The following HEATR4 variants were observed in gnomAD, a reference collection of about 807,000 sequenced individuals.
HEATR4 encodes HEAT repeat containing 4.
A neutral mutation model predicts 108.8 loss-of-function variants in HEATR4; 95 were observed. The ratio of observed to expected loss-of-function variants is 0.87; its 90% CI spans 0.74 to 1.04. HEATR4 has a LOEUF of 1.04. Ranked by LOEUF, HEATR4 falls within the 50% of genes least tolerant of loss-of-function variation. The pLI, the probability that HEATR4 is intolerant of heterozygous loss-of-function variation, is 0.00. For missense variants in HEATR4, 1,152 were observed against 1,253.8 expected (o/e 0.92, Z 1.23); for synonymous variants, 443 against 459.4 (o/e 0.96, Z 0.46).
intron 8 of HEATR4, among the ~76,000 whole-genome samples, chr14:73,508,751 C>CAAAAAAAA (rs770608293): frequency 1.7e-5 from 1 of 57,880 alleles, no homozygotes. Flanking sequence ...AACTCTGTCT[C>CAAAAAAAA]AAAAAAAAAA....
At chr14:73,592,868 A>G in the HEATR4 span, among the ~76,000 whole-genome samples, 1 of 152,110 alleles carries the variant, frequency 6.6e-6, no homozygotes, top group East Asian at 1.9e-4. Context: ...AAGAAAAAAG[A>G]AAAAAAAGGA....
chr14:73,624,599 G>C, the HEATR4 span, among the ~76,000 whole-genome samples: 1 of 152,006 alleles, frequency 6.6e-6, no homozygotes, highest in African/African-American at 2.4e-5. Context: ...GAGAAAGACT[G>C]CTCCCCTCTA....
At chr14:73,483,364 T>C (rs1248597377) in intron 17 of HEATR4, among the ~76,000 whole-genome samples, 4 of 152,170 alleles carry the variant, frequency 2.6e-5, no homozygotes, top group Non-Finnish European at 5.9e-5. Context: ...AGAGACCTGG[T>C]CTTACTATGT....
At chr14:73,583,566 C>G in the HEATR4 span, among the ~76,000 whole-genome samples, 12 of 152,076 alleles carry the variant, frequency 7.9e-5, no homozygotes, top group Non-Finnish European at 1.2e-4. Context: ...ACCACGTTGC[C>G]TCTCTAAACT....
chr14:73,502,259 C>A (rs1886519314), intron 11 of HEATR4, among the ~76,000 whole-genome samples: 1 of 151,974 alleles, frequency 6.6e-6, no homozygotes, highest in African/African-American at 2.4e-5. Flanking sequence ...CTGAGTATTC[C>A]ATTTTTCTGC....
intron 16 of HEATR4, 42 bp downstream of exon 16, chr14:73,495,186 T>C: frequency 6.4e-7 from 1 of 1,568,878 alleles, no homozygotes; most frequent in Non-Finnish European, 8.7e-7. Context: ...AAGAGGCTTA[T>C]TAAAGGAATC....
the HEATR4 span, among the ~76,000 whole-genome samples, chr14:73,605,682 T>G: frequency 2.8e-5 from 4 of 144,094 alleles, no homozygotes; most frequent in African/African-American, 1.0e-4. Flanking sequence ...GCAGTTCTCC[T>G]ACCTCAGCCT....
At chr14:73,570,082 C>T in the HEATR4 span, among the ~76,000 whole-genome samples, 1 of 151,102 alleles carries the variant, frequency 6.6e-6, no homozygotes, top group South Asian at 2.1e-4. Context: ...GGTGAGCCAC[C>T]GCGCCCGGCA....
the HEATR4 span, among the ~76,000 whole-genome samples, chr14:73,633,075 G>A: frequency 6.8e-6 from 1 of 146,936 alleles, no homozygotes; most frequent in Non-Finnish European, 1.5e-5. Context: ...CACAATATCG[G>A]CTCACTGCAG....
intron 1 of HEATR4, among the ~76,000 whole-genome samples, chr14:73,531,615 G>T (rs1202266773): frequency 1.8e-5 from 2 of 109,176 alleles, no homozygotes; most frequent in African/African-American, 5.9e-5. Context: ...CACCATATTG[G>T]CCAGGCTGTT....
the HEATR4 span, among the ~76,000 whole-genome samples, chr14:73,606,833 C>T: frequency 2.0e-5 from 3 of 152,212 alleles, no homozygotes; most frequent in African/African-American, 7.2e-5. Context: ...CAGCACTGGG[C>T]AGTCTTCATT....
chr14:73,591,932 C>T, the HEATR4 span: 3 of 1,359,760 alleles, frequency 2.2e-6, no homozygotes, highest in Non-Finnish European at 2.8e-6. Flanking sequence ...CGGGCCTCGA[C>T]CTTTGAATTC....
the HEATR4 span, chr14:73,595,278 A>G: frequency 2.5e-6 from 4 of 1,614,218 alleles, no homozygotes; most frequent in Non-Finnish European, 3.4e-6. Context: ...GATATAAGGA[A>G]TGCTCTCGTA....
intron 17 of HEATR4, among the ~76,000 whole-genome samples, chr14:73,481,257 G>A (rs944138147): frequency 1.3e-5 from 2 of 151,944 alleles, no homozygotes; most frequent in Non-Finnish European, 1.5e-5. Context: ...TGGCCAACAT[G>A]GTGAAACCCC....
At chr14:73,491,627 C>T in intron 17 of HEATR4, 1 of 1,549,390 alleles carries the variant, frequency 6.5e-7, no homozygotes. Flanking sequence ...GCGAGCGGCC[C>T]GCCTCTTTGA....
chr14:73,576,632 G>C, the HEATR4 span, among the ~76,000 whole-genome samples: 1 of 150,748 alleles, frequency 6.6e-6, no homozygotes, highest in South Asian at 2.1e-4. Flanking sequence ...GGAAAACCCC[G>C]TCTCTACAAA....
At chr14:73,570,904 A>T in the HEATR4 span, among the ~76,000 whole-genome samples, 2 of 9,540 alleles carry the variant, frequency 2.1e-4, no homozygotes, top group Non-Finnish European at 3.3e-4. Flanking sequence ...ACTCTATCTT[A>T]AAAAAAAAAA....
chr14:73,491,185 G>C (rs745802193), intron 17 of HEATR4: 2 of 1,598,896 alleles, frequency 1.3e-6, no homozygotes, highest in African/African-American at 1.4e-5. Context: ...TGAGGACGCA[G>C]ACGCTGCCTA....
chr14:73,587,339 C>T, the HEATR4 span, among the ~76,000 whole-genome samples: 4 of 141,600 alleles, frequency 2.8e-5, no homozygotes. Flanking sequence ...CCCCCCGCTC[C>T]CCTTTTGGCA....
Sources: allele counts gnomAD v4.1 joint callset (sites outside exome capture counted in the v4.1 genomes callset), GRCh38; gene constraint gnomAD v4.1.1; transcripts MANE v1.5; gene names NCBI Gene and HGNC (gene_info 2026-07-23, HGNC 2026-07-21).